The following SYT1 variants were observed in gnomAD, a reference collection of about 807,000 sequenced individuals.
The protein encoded by SYT1 is synaptotagmin 1.
A neutral mutation model predicts 44.8 loss-of-function variants in SYT1; 8 were observed. That is an observed-to-expected ratio of 0.18 (90% CI 0.10 to 0.32). The LOEUF (loss-of-function observed/expected upper bound fraction) is 0.32, where lower values mean the gene tolerates loss of function less well. Among genes scored for constraint, SYT1 ranks in the 10% least tolerant of loss-of-function variants. The pLI, the probability that SYT1 is intolerant of heterozygous loss-of-function variation, is 1.00. For synonymous variants in SYT1, 154 were observed against 188.8 expected (o/e 0.82, Z 1.51); for missense variants, 286 against 509.3 (o/e 0.56, Z 4.22).
chr12:79,234,884 T>C (rs1876096204), intron 4 of SYT1, among the ~76,000 whole-genome samples: 1 of 152,092 alleles, frequency 6.6e-6, no homozygotes, highest in Non-Finnish European at 1.5e-5. Flanking sequence ...CTAATTTTTG[T>C]ATTTTTAGTA....
At chr12:78,911,992 T>C (rs1876361681) in intron 1 of SYT1, among the ~76,000 whole-genome samples, 1 of 151,996 alleles carries the variant, frequency 6.6e-6, no homozygotes, top group African/African-American at 2.4e-5. Flanking sequence ...TCCAACATAA[T>C]TGATGACATC....
chr12:79,185,337 A>G (rs944937034), intron 3 of SYT1, among the ~76,000 whole-genome samples: 3 of 151,948 alleles, frequency 2.0e-5, no homozygotes, highest in Non-Finnish European at 2.9e-5. Flanking sequence ...TAGCAGTTCT[A>G]TTGAGCCTGG....
At chr12:78,890,686 T>A (rs1875005234) in intron 1 of SYT1, among the ~76,000 whole-genome samples, 1 of 151,806 alleles carries the variant, frequency 6.6e-6, no homozygotes, top group Admixed American at 6.6e-5. Context: ...ATTCTCCAAC[T>A]CCCTCATCTT....
chr12:79,444,036 C>G, intron 9 of SYT1, 37 bp from the exon 10 acceptor site: 1 of 1,607,426 alleles, frequency 6.2e-7, no homozygotes, highest in Non-Finnish European at 8.5e-7. Flanking sequence ...ATATGTGTCT[C>G]TGATCTCCTA....
Position 79,121,727 on chromosome 12 carries a change from T to A in SYT1, c.-18+74365T>A, listed in dbSNP as rs142087374. Among the ~76,000 whole-genome samples the A allele has an allele frequency of 5.9e-5, 9 of 152,314 alleles. No individual in the cohort carries two copies. The East Asian group carries it at 1.7e-3, about 29-fold the overall frequency. ...TGCTAATAGACAGGAAATTTTCTTA[T>A]TAGATGCTTTCAAAAAATAAAATTC... On this transcript the variant is annotated intron_variant, in intron 3 of 10. Transcript: ENST00000261205.
intron 3 of SYT1, among the ~76,000 whole-genome samples, chr12:79,203,035 A>G (rs1240807187): frequency 6.6e-6 from 1 of 152,188 alleles, no homozygotes; most frequent in Non-Finnish European, 1.5e-5. Flanking sequence ...GTAGGTAAAG[A>G]GTATTAGCAA....
At chr12:79,248,927 G>C (rs1877012966) in intron 4 of SYT1, among the ~76,000 whole-genome samples, 2 of 152,006 alleles carry the variant, frequency 1.3e-5, no homozygotes, top group Admixed American at 6.6e-5. Flanking sequence ...TTTAGAGGTA[G>C]GATATCCTTG....
At chr12:79,399,962 A>T (rs1885015102) in intron 9 of SYT1, among the ~76,000 whole-genome samples, 1 of 152,234 alleles carries the variant, frequency 6.6e-6, no homozygotes, top group African/African-American at 2.4e-5. Flanking sequence ...GCTTCTAGAG[A>T]TCTTTAACCA....
intron 1 of SYT1, among the ~76,000 whole-genome samples, chr12:78,877,993 AT>A (rs1161290820): frequency 1.3e-5 from 2 of 151,770 alleles, no homozygotes; most frequent in Non-Finnish European, 2.9e-5. Flanking sequence ...ATAATCCATT[AT>A]TTTTAAGTCC....
rs112929860 is a variant in SYT1 at position 78,925,991 on chromosome 12, G to C, written c.-216-51808G>C. On this transcript the variant is annotated intron_variant, in intron 1 of 10. Coordinates refer to ENST00000261205, the MANE Select transcript of SYT1 (RefSeq NM_005639.3). The stretch of plus-strand genomic sequence containing the variant: ...CCTTAAAAAGTAGAACATGAATGCT[G>C]CATGTGGCATAAGCACAGTGTTATT... Among the ~76,000 whole-genome samples the C allele has an allele frequency of 6.0e-3, 910 of 152,156 alleles. 4 individuals carry two copies. The highest frequency in any genetic ancestry group is 8.5e-3 in the Non-Finnish European group (576 of 67,950).
intron 4 of SYT1, among the ~76,000 whole-genome samples, chr12:79,246,728 A>G (rs1415329559): frequency 2.0e-5 from 3 of 152,230 alleles, no homozygotes; most frequent in African/African-American, 7.2e-5. Context: ...TTTTAAAATT[A>G]CCACACTGGT....
chr12:79,154,414 T>G (rs570808287), intron 3 of SYT1, among the ~76,000 whole-genome samples: 64 of 152,100 alleles, frequency 4.2e-4, no homozygotes, highest in African/African-American at 1.5e-3. Context: ...TCCTTTTTTT[T>G]TTTTAATAAA....
intron 9 of SYT1, among the ~76,000 whole-genome samples, chr12:79,409,109 T>G (rs1868330131): frequency 6.6e-6 from 1 of 152,152 alleles, no homozygotes; most frequent in African/African-American, 2.4e-5. Context: ...TGCTAAGCCT[T>G]AATTATATAA....
chr12:79,174,607 G>A (rs1387818147), intron 3 of SYT1, among the ~76,000 whole-genome samples: 4 of 151,966 alleles, frequency 2.6e-5, no homozygotes, highest in Admixed American at 2.6e-4. Context: ...GAGAGATCTA[G>A]GTAAGAAAAG....
chr12:79,311,221 A>G (rs1420143392), intron 8 of SYT1, among the ~76,000 whole-genome samples: 1 of 152,208 alleles, frequency 6.6e-6, no homozygotes, highest in Non-Finnish European at 1.5e-5. Flanking sequence ...ATGAACAGAC[A>G]CTTCTCAAAA....
chr12:79,180,737 G>A (rs1872485986), intron 3 of SYT1, among the ~76,000 whole-genome samples: 1 of 152,028 alleles, frequency 6.6e-6, no homozygotes, highest in Non-Finnish European at 1.5e-5. Flanking sequence ...AGAGAATGGT[G>A]CTAAACCATT....
chr12:79,417,832 G>C (rs540954235), intron 9 of SYT1, among the ~76,000 whole-genome samples: 1 of 150,590 alleles, frequency 6.6e-6, no homozygotes, highest in Admixed American at 6.6e-5. Flanking sequence ...CTCTAAAGTT[G>C]TGCTTTTCTG....
intron 1 of SYT1, among the ~76,000 whole-genome samples, chr12:78,879,471 A>G (rs1011521902): frequency 1.3e-5 from 2 of 151,696 alleles, no homozygotes; most frequent in Non-Finnish European, 2.9e-5. Context: ...AACTCACCAC[A>G]TTCAAACTGA....
chr12:79,374,084 C>T (rs559021812), intron 9 of SYT1, among the ~76,000 whole-genome samples: 4 of 152,278 alleles, frequency 2.6e-5, no homozygotes, highest in East Asian at 3.9e-4. Context: ...CCCACGGTGG[C>T]GCTTCCATGC....
Sources: allele counts gnomAD v4.1 joint callset (sites outside exome capture counted in the v4.1 genomes callset), GRCh38; gene constraint gnomAD v4.1.1; transcripts MANE v1.5; gene names NCBI Gene and HGNC (gene_info 2026-07-23, HGNC 2026-07-21).